LRP5: variants seen among roughly 807,000 people sequenced by gnomAD.
LRP5 encodes the protein LDL receptor related protein 5.
In LRP5, 62 loss-of-function variants were observed where a neutral mutation model predicts 154.1. The ratio of observed to expected loss-of-function variants is 0.40; its 90% CI spans 0.33 to 0.50. The LOEUF (loss-of-function observed/expected upper bound fraction) is 0.50, where lower values mean the gene tolerates loss of function less well. Ranked by LOEUF, LRP5 falls within the 20% of genes least tolerant of loss-of-function variation. LRP5 has a pLI of 0.55. For synonymous variants in LRP5, 966 were observed against 1,011.5 expected, an observed-to-expected ratio of 0.96 and a Z score of 0.85; for missense variants, 1,915 against 2,336.7, an observed-to-expected ratio of 0.82 and a Z score of 3.72.
At chr11:68,422,514 G>A (rs569830556) in intron 13 of LRP5, among the ~76,000 whole-genome samples, 68 of 152,282 alleles carry the variant, frequency 4.5e-4, no homozygotes, top group African/African-American at 1.6e-3. Flanking sequence ...CTCCTCCTAC[G>A]TCAGCTCAGT....
rs1226794821 is a variant in LRP5, at chr11:68,353,940, G to A, written c.489-3710G>A. Among the ~76,000 whole-genome samples, 1 of 152,188 alleles carries A rather than the reference G, an allele frequency of 6.6e-6. No individual in the cohort carries two copies. The highest frequency in any genetic ancestry group is 1.5e-5 in the Non-Finnish European group (1 of 68,036). ...GAAGGCACATCCCTCCCAGGCCCAG[G>A]GTACCCATGTGGGTGGCAGAGCGGG... On this transcript the variant is annotated intron_variant, in intron 2 of 22. Transcript: ENST00000294304. The surrounding 1 kb of genome is among the most constrained non-coding windows in gnomAD (Gnocchi z 4.5).
chr11:68,341,059 C>CCTTTTTTTT (rs1555071026), intron 1 of LRP5, among the ~76,000 whole-genome samples: 6 of 83,492 alleles, frequency 7.2e-5, no homozygotes, highest in Admixed American at 3.2e-4. Context: ...GGAGATTGTT[C>CCTTTTTTTT]TTTTTTTTTT....
At chr11:68,388,216 G>A (rs909079615) in intron 6 of LRP5, among the ~76,000 whole-genome samples, 2 of 151,884 alleles carry the variant, frequency 1.3e-5, no homozygotes, top group Admixed American at 6.5e-5. Context: ...GTCCCCAGGG[G>A]CTTTAGCAAG....
At position 68,448,670 on chromosome 11, in the gene LRP5, G is replaced by T. The variant is rs568369781; in HGVS notation, c.4587-139G>T. The T allele has an allele frequency of 1.9e-5, 19 of 1,025,232 alleles. No homozygotes were observed. In the African/African-American group the frequency reaches 3.0e-4, roughly 16 times the overall value. The allele number at this position is 1,025,232 out of a possible 1,614,324, so 63.5% of individuals were successfully genotyped here. On this transcript the variant is annotated intron_variant, in intron 22 of 22. Transcript: ENST00000294304. ...AGTGATGAGCCCTGGCGACACAGCG[G>T]GGTGGGTCCAGAGTCCGGCCTGCAT... is the stretch of plus-strand genomic sequence containing the variant.
In LRP5 at chr11:68,447,907, GT is replaced by G. The variant is rs1366760945; in HGVS notation, c.4587-901del. Among the ~76,000 whole-genome samples, 2 of 152,312 alleles carry G rather than the reference GT, an allele frequency of 1.3e-5. No homozygotes were observed. The highest frequency in any genetic ancestry group is 4.8e-5 in the African/African-American group (2 of 41,556). On this transcript the variant is annotated intron_variant, in intron 22 of 22. Coordinates refer to ENST00000294304, the MANE Select transcript of LRP5 (RefSeq NM_002335.4). This position sits in a 1 kb window ranked among gnomAD's most constrained non-coding sequence, Gnocchi z 4.3. ...TGGGAGGTCAGGAGCCATCTTGCGA[GT>G]CAGGTTGCTTGAACTCAGGATGGAA...
At chr11:68,305,231 T>TA in the LRP5 span, among the ~76,000 whole-genome samples, 1 of 151,934 alleles carries the variant, frequency 6.6e-6, no homozygotes, top group East Asian at 1.9e-4. Context: ...TCTGCTCATT[T>TA]AAAAGTGTGC....
At chr11:68,374,284 G>T (rs1478899221) in intron 5 of LRP5, among the ~76,000 whole-genome samples, 1 of 152,232 alleles carries the variant, frequency 6.6e-6, no homozygotes, top group Non-Finnish European at 1.5e-5. Context: ...CGAATAACGG[G>T]CGTTTGTTCC....
intron 2 of LRP5, among the ~76,000 whole-genome samples, chr11:68,355,180 G>A (rs1351129015): frequency 6.6e-6 from 1 of 152,150 alleles, no homozygotes; most frequent in Non-Finnish European, 1.5e-5. Context: ...AGGCGGCTGT[G>A]TGTCTGTCAT....
At chr11:68,329,782 C>T (rs2098601697) in intron 1 of LRP5, among the ~76,000 whole-genome samples, 1 of 152,224 alleles carries the variant, frequency 6.6e-6, no homozygotes, top group Non-Finnish European at 1.5e-5. Context: ...GACTGACACC[C>T]CTGAGTCAGT....
chr11:68,443,255 C>A (rs2098679089), intron 21 of LRP5, among the ~76,000 whole-genome samples: 1 of 151,684 alleles, frequency 6.6e-6, no homozygotes, highest in South Asian at 2.1e-4. Flanking sequence ...GTAATCTCAG[C>A]ACTTTAGGAG....
At chr11:68,393,229 G>A (rs55677079) in intron 7 of LRP5, among the ~76,000 whole-genome samples, 18,258 of 152,224 alleles carry the variant, frequency 0.12, 1,326 homozygotes, top group Non-Finnish European at 0.17. Context: ...TCGGGTGGTG[G>A]GCAGTGGTTT....
At chr11:68,434,600 G>A (rs961579035) in intron 18 of LRP5, among the ~76,000 whole-genome samples, 1 of 152,038 alleles carries the variant, frequency 6.6e-6, no homozygotes, top group South Asian at 2.1e-4. Flanking sequence ...GGCTGGTCTC[G>A]AACTCCTGAC....
chr11:68,443,471 CAG>C (rs1297505315), intron 21 of LRP5, among the ~76,000 whole-genome samples: 19 of 84,338 alleles, frequency 2.3e-4, no homozygotes, highest in South Asian at 3.9e-4. Flanking sequence ...GCCTGGGCGA[CAG>C]AGCGAGACTC....
At chr11:68,399,788 C>A (rs1422389812) in intron 7 of LRP5, among the ~76,000 whole-genome samples, 1 of 152,262 alleles carries the variant, frequency 6.6e-6, no homozygotes, top group Non-Finnish European at 1.5e-5. Flanking sequence ...CCTGACCCAG[C>A]AGAGTGGCTT....
upstream of LRP5, among the ~76,000 whole-genome samples, chr11:68,309,469 G>A (rs1466854111): frequency 1.3e-4 from 19 of 151,802 alleles, no homozygotes; most frequent in East Asian, 2.1e-3. Context: ...TCCTGACCTC[G>A]TGATCCACCC....
In LRP5 at chr11:68,347,856, T is replaced by C; in HGVS notation, c.101T>C (p.Leu34Pro). The C allele has an allele frequency of 1.9e-6, 3 of 1,613,404 alleles. No individual in the cohort carries two copies. The East Asian group carries it at 6.7e-5, about 36-fold the overall frequency. ...TGCTTCTGCCCCACAGCCTCGCCGC[T>C]CCTGCTATTTGCCAACCGCCGGGAC... The part of the protein sequence containing the change: ...GCPAPAAASP[L>P]LLFANRRDVR... Residue 34 changes from leucine to proline, a missense_variant, in exon 2 of 23, where the codon CTC becomes CCC. This residue lies in a region of LRP5 where 773 missense variants were observed against 1,100.9 expected (regional missense o/e 0.70). Transcript: ENST00000294304.
upstream of LRP5, among the ~76,000 whole-genome samples, chr11:68,308,923 ATTTT>A (rs34529621): frequency 5.4e-5 from 4 of 74,480 alleles, no homozygotes; most frequent in Admixed American, 1.9e-4. Context: ...TAATCAGCTA[ATTTT>A]TTTTTTTTTT....
At chr11:68,436,382 C>G (rs1312646393) in intron 18 of LRP5, among the ~76,000 whole-genome samples, 2 of 152,092 alleles carry the variant, frequency 1.3e-5, no homozygotes, top group African/African-American at 4.8e-5. Context: ...GCTCTTCCTC[C>G]CTGGCCAGAG....
intron 17 of LRP5, among the ~76,000 whole-genome samples, chr11:68,432,567 C>T (rs1202828798): frequency 1.3e-5 from 2 of 152,360 alleles, no homozygotes; most frequent in East Asian, 1.9e-4. Flanking sequence ...CAAAGGCTTG[C>T]GTGCAGCATG....
Sources: gnomAD v4.1 joint callset for allele counts (sites outside exome capture counted in the v4.1 genomes callset) on GRCh38, gnomAD v4.1.1 for gene constraint, gnomAD v4.1.1 regional missense constraint, Gnocchi (gnomAD v3.1) non-coding constraint, MANE v1.5 for transcripts, NCBI Gene and HGNC (gene_info 2026-07-23, HGNC 2026-07-21) for gene names.